Variants in NELL2 observed in about 807,000 individuals in gnomAD.
NELL2 encodes the protein neural EGFL like 2, also known as protein kinase C-binding protein NELL2.
NELL2 carries 41 observed loss-of-function variants against 109.6 expected under a neutral mutation model. The ratio of observed to expected loss-of-function variants is 0.37; its 90% CI spans 0.29 to 0.49. NELL2 has a LOEUF of 0.49. Among genes scored for constraint, NELL2 ranks in the 20% least tolerant of loss-of-function variants. The probability of loss-of-function intolerance (pLI) is 0.98; values close to 1 mark genes in which losing one functional copy is unlikely to be tolerated. For missense variants in NELL2, 900 were observed against 1,008.3 expected (o/e 0.89, Z 1.45); for synonymous variants, 355 against 344.7 (o/e 1.03, Z -0.33).
At chr12:44,662,588 T>C (rs1947783888) in intron 13 of NELL2, among the ~76,000 whole-genome samples, 1 of 152,136 alleles carries the variant, frequency 6.6e-6, no homozygotes, top group Admixed American at 6.5e-5. Flanking sequence ...AAAATCTAAC[T>C]CAAATCATCT....
chr12:44,732,254 A>C (rs1939409427), intron 9 of NELL2, among the ~76,000 whole-genome samples: 2 of 151,984 alleles, frequency 1.3e-5, no homozygotes, highest in South Asian at 4.1e-4. Flanking sequence ...AGGACCCTAA[A>C]TAGCTGAAAA....
intron 15 of NELL2, among the ~76,000 whole-genome samples, chr12:44,572,960 G>C (rs986488899): frequency 2.0e-5 from 3 of 152,228 alleles, no homozygotes; most frequent in Non-Finnish European, 4.4e-5. Flanking sequence ...TGAAGAAACA[G>C]AGGCATGCAC....
rs537096840 is a variant in NELL2, at chr12:44,758,289, T to A, written c.994+16458A>T. 3.4e-4 allele frequency among the ~76,000 whole-genome samples: 52 copies of A among 152,272 alleles called. 1 individual carries two copies. In the South Asian group the frequency reaches 0.01, roughly 30 times the overall value. ...GCAACATTCTTGACAAAATAAAGAA[T>A]TTAGAAAGGACAGTCCTTTCTATTC... On this transcript the variant is annotated intron_variant, in intron 9 of 19. Coordinates refer to ENST00000429094, the MANE Select transcript of NELL2 (RefSeq NM_001145108.2).
At chr12:44,908,845 T>C (rs947499457) in intron 1 of NELL2, among the ~76,000 whole-genome samples, 2 of 151,982 alleles carry the variant, frequency 1.3e-5, no homozygotes, top group African/African-American at 2.4e-5. Flanking sequence ...ATTTCAATCA[T>C]TAATATTAAA....
At chr12:44,541,267 GA>G (rs1235615873) in intron 15 of NELL2, among the ~76,000 whole-genome samples, 5 of 89,586 alleles carry the variant, frequency 5.6e-5, no homozygotes, top group African/African-American at 1.1e-4. Context: ...AAAAAAAAAA[GA>G]AAAAAAAAAG....
At chr12:44,604,571 A>G (rs1284869981) in intron 15 of NELL2, among the ~76,000 whole-genome samples, 3 of 152,152 alleles carry the variant, frequency 2.0e-5, no homozygotes, top group Non-Finnish European at 2.9e-5. Context: ...ACTAAGAGGC[A>G]GGCCTTGTAC....
At chr12:44,579,544 T>C (rs1454075538) in intron 15 of NELL2, among the ~76,000 whole-genome samples, 4 of 152,330 alleles carry the variant, frequency 2.6e-5, no homozygotes, top group Admixed American at 6.5e-5. Context: ...CTATAAGATG[T>C]TGACTCTAAA....
intron 13 of NELL2, among the ~76,000 whole-genome samples, chr12:44,645,753 AT>A (rs935607524): frequency 2.0e-5 from 3 of 152,086 alleles, no homozygotes; most frequent in Admixed American, 6.6e-5. Flanking sequence ...TAATTTTCCC[AT>A]TTTACCAAAA....
At chr12:44,872,588 A>C (rs1376953346) in intron 2 of NELL2, among the ~76,000 whole-genome samples, 2 of 152,172 alleles carry the variant, frequency 1.3e-5, no homozygotes, top group African/African-American at 2.4e-5. Context: ...TAAATGAGCA[A>C]AAATCACTGG....
chr12:44,546,124 C>T (rs1026900604), intron 15 of NELL2, among the ~76,000 whole-genome samples: 3 of 152,124 alleles, frequency 2.0e-5, no homozygotes. Context: ...GGTAAGATGA[C>T]AGCAAAAATA....
upstream of NELL2, among the ~76,000 whole-genome samples, chr12:44,914,961 T>C (rs1484958897): frequency 6.6e-6 from 1 of 152,092 alleles, no homozygotes; most frequent in Non-Finnish European, 1.5e-5. Context: ...GCCATTCTCC[T>C]GCCTCAGCCT....
chr12:44,895,019 T>C (rs1945577225), intron 1 of NELL2, among the ~76,000 whole-genome samples: 1 of 152,326 alleles, frequency 6.6e-6, no homozygotes, highest in Non-Finnish European at 1.5e-5. Context: ...GACTAGCTTT[T>C]GTAACATTCA....
intron 15 of NELL2, among the ~76,000 whole-genome samples, chr12:44,544,587 C>G (rs1942716667): frequency 6.6e-6 from 1 of 152,064 alleles, no homozygotes; most frequent in African/African-American, 2.4e-5. Context: ...GTGACTATTT[C>G]TTTTCATTCC....
intron 9 of NELL2, among the ~76,000 whole-genome samples, chr12:44,772,793 T>C (rs117340002): frequency 0.014 from 2,142 of 152,300 alleles, 22 homozygotes; most frequent in Middle Eastern, 0.038. Flanking sequence ...GGCTTTTTTT[T>C]TTCATTATGT....
intron 15 of NELL2, among the ~76,000 whole-genome samples, chr12:44,605,708 A>T (rs1361738210): frequency 6.6e-6 from 1 of 152,096 alleles, no homozygotes; most frequent in African/African-American, 2.4e-5. Context: ...CCACACCATT[A>T]TCTTCACACC....
intron 1 of NELL2, among the ~76,000 whole-genome samples, chr12:44,885,627 A>G (rs1390902753): frequency 6.6e-6 from 1 of 151,980 alleles, no homozygotes; most frequent in African/African-American, 2.4e-5. Context: ...GAGTGAAATT[A>G]AAAAATACCT....
intron 2 of NELL2, among the ~76,000 whole-genome samples, chr12:44,858,466 G>A (rs2136798629): frequency 6.6e-6 from 1 of 152,320 alleles, no homozygotes; most frequent in South Asian, 2.1e-4. Context: ...ATCAAAAACA[G>A]TTCAGGGAAT....
intron 15 of NELL2, among the ~76,000 whole-genome samples, chr12:44,569,455 C>T (rs1221475727): frequency 2.0e-5 from 3 of 152,062 alleles, no homozygotes; most frequent in Non-Finnish European, 2.9e-5. Flanking sequence ...TGAGGAATTG[C>T]CACACTGCTT....
chr12:44,839,068 G>A (rs560398544), intron 2 of NELL2, among the ~76,000 whole-genome samples: 4 of 152,246 alleles, frequency 2.6e-5, no homozygotes, highest in South Asian at 2.1e-4. Flanking sequence ...ACCTCCCCGC[G>A]CACGCTTCAA....
Sources: allele counts gnomAD v4.1 joint callset (sites outside exome capture counted in the v4.1 genomes callset), GRCh38; gene constraint gnomAD v4.1.1; transcripts MANE v1.5; gene names NCBI Gene and HGNC (gene_info 2026-07-23, HGNC 2026-07-21).